The following PTPRE variants were observed in gnomAD, a reference collection of about 807,000 sequenced individuals.
PTPRE encodes the protein protein tyrosine phosphatase receptor type E, also known as receptor-type tyrosine-protein phosphatase epsilon.
A neutral mutation model predicts 102.0 loss-of-function variants in PTPRE; 51 were observed. That is an observed-to-expected ratio of 0.50 (90% CI 0.40 to 0.63). The LOEUF (loss-of-function observed/expected upper bound fraction) is 0.63. PTPRE is among the 30% of genes least tolerant of loss of function. The pLI is 0.00. For synonymous variants in PTPRE, 345 were observed against 348.2 expected, an observed-to-expected ratio of 0.99 and a Z score of 0.10; for missense variants, 752 against 915.1, an observed-to-expected ratio of 0.82 and a Z score of 2.30.
intron 1 of PTPRE, among the ~76,000 whole-genome samples, chr10:127,927,470 A>C (rs1314288318): frequency 6.6e-6 from 1 of 152,178 alleles, no homozygotes; most frequent in African/African-American, 2.4e-5. Context: ...ATGTGGGCCC[A>C]TATTATGGTT....
intron 1 of PTPRE, among the ~76,000 whole-genome samples, chr10:127,980,469 T>C (rs1270838152): frequency 6.6e-6 from 1 of 152,186 alleles, no homozygotes; most frequent in Non-Finnish European, 1.5e-5. Flanking sequence ...AAAGTTTTAT[T>C]TTTTTCTTTT....
intron 1 of PTPRE, among the ~76,000 whole-genome samples, chr10:127,926,708 A>G (rs956144371): frequency 2.6e-5 from 4 of 151,634 alleles, no homozygotes; most frequent in Non-Finnish European, 5.9e-5. Flanking sequence ...GCAGGGGAGG[A>G]ACTAGACAGG....
intron 1 of PTPRE, among the ~76,000 whole-genome samples, chr10:127,966,668 C>T (rs889913217): frequency 1.3e-5 from 2 of 152,168 alleles, no homozygotes; most frequent in Non-Finnish European, 2.9e-5. Flanking sequence ...TTAAGATGGA[C>T]TTACCTTCAT....
intron 1 of PTPRE, among the ~76,000 whole-genome samples, chr10:127,953,730 A>C (rs1183413998): frequency 6.6e-6 from 1 of 152,192 alleles, no homozygotes; most frequent in East Asian, 1.9e-4. Context: ...TCTGCATGAT[A>C]TGTAGGCACC....
intron 1 of PTPRE, among the ~76,000 whole-genome samples, chr10:127,959,468 GT>G (rs5788881): frequency 0.19 from 28,151 of 152,104 alleles, 3,149 homozygotes; most frequent in East Asian, 0.38. Flanking sequence ...TTTTGTGGTT[GT>G]TTTTAATGTG....
rs567596701 is a variant in PTPRE, at chr10:128,027,506, T to C, written c.-7-13369T>C. 2.8e-3 allele frequency among the ~76,000 whole-genome samples: 426 copies of C among 152,344 alleles called. 1 individual carries two copies. The highest frequency in any genetic ancestry group is 6.8e-3 in the Middle Eastern group (2 of 294). On this transcript the variant is annotated intron_variant, in intron 2 of 20. Coordinates refer to ENST00000254667, the MANE Select transcript of PTPRE (RefSeq NM_006504.6). ...ATTTCCCTGCTGTAATCGTCCTTGT[T>C]GAGGCTGTTCTGCTCTCGGGTTTAT...
At chr10:127,947,789 A>G (rs946665288) in intron 1 of PTPRE, among the ~76,000 whole-genome samples, 8 of 152,176 alleles carry the variant, frequency 5.3e-5, no homozygotes, top group African/African-American at 1.9e-4. Flanking sequence ...AATTCAGTCT[A>G]CAAGAGAAAC....
At chr10:127,993,225 G>A (rs1241421347) in intron 2 of PTPRE, among the ~76,000 whole-genome samples, 4 of 152,330 alleles carry the variant, frequency 2.6e-5, no homozygotes, top group Admixed American at 1.3e-4. Context: ...CTTCTAAGAC[G>A]TGGTTAGAAG....
intron 2 of PTPRE, among the ~76,000 whole-genome samples, chr10:128,022,263 C>G (rs766717057): frequency 6.6e-6 from 1 of 152,194 alleles, no homozygotes; most frequent in Non-Finnish European, 1.5e-5. Flanking sequence ...ACCCCGCTCC[C>G]TGAGAACCAC....
chr10:128,000,310 CA>C (rs1228754202), intron 2 of PTPRE, among the ~76,000 whole-genome samples: 2 of 152,258 alleles, frequency 1.3e-5, no homozygotes, highest in East Asian at 3.9e-4. Context: ...TTTAAGCAAA[CA>C]GAACACCCTT....
intron 1 of PTPRE, among the ~76,000 whole-genome samples, chr10:127,971,669 G>A (rs1283189962): frequency 6.6e-6 from 1 of 152,252 alleles, no homozygotes; most frequent in Non-Finnish European, 1.5e-5. Flanking sequence ...CCTGGGGAAA[G>A]CCTCCAGCGT....
intron 1 of PTPRE, among the ~76,000 whole-genome samples, chr10:127,921,710 T>C (rs1564798249): frequency 1.3e-5 from 2 of 152,194 alleles, no homozygotes; most frequent in Non-Finnish European, 2.9e-5. Flanking sequence ...CCTGCTCTCA[T>C]GATTGGCTCC....
chr10:127,990,318 A>G (rs61873721), intron 2 of PTPRE, among the ~76,000 whole-genome samples: 5,672 of 149,466 alleles, frequency 0.038, 126 homozygotes, highest in Middle Eastern at 0.066. Context: ...AGGCAGAGGC[A>G]GGAGAATCAC....
Position 128,068,271 on chromosome 10 carries a change from T to C in PTPRE, c.992T>C (p.Ile331Thr). Residue 331 changes from isoleucine to threonine, a missense_variant, in exon 12 of 21, where the codon ATC (isoleucine) becomes ACC (threonine). By Grantham distance (89) the Ile-to-Thr change is moderately conservative (BLOSUM62 -1). Transcript: ENST00000254667. Reference sequence around the variant, plus strand: ...CTCAACCCCGTGCACGCTGGGCCCATCGTGGTCCACTGTAGGTACGCTGTG... The same window carrying C: ...CTCAACCCCGTGCACGCTGGGCCCACCGTGGTCCACTGTAGGTACGCTGTG... ...KTLNPVHAGP[I>T]VVHCSAGVGR... 3.1e-6 allele frequency: 5 copies of C among 1,613,582 alleles called. No individual in the cohort carries two copies. The highest frequency in any genetic ancestry group is 4.2e-6 in the Non-Finnish European group (5 of 1,179,652).
At chr10:128,079,811 C>G (rs1851545940) in intron 20 of PTPRE, 116 bp downstream of exon 20, 1 of 1,348,254 alleles carries the variant, frequency 7.4e-7, no homozygotes, top group African/African-American at 1.5e-5. Context: ...GGTAAAATTC[C>G]CAAGGAAAAG....
chr10:127,995,734 G>T (rs547137036), intron 2 of PTPRE, among the ~76,000 whole-genome samples: 2 of 152,274 alleles, frequency 1.3e-5, no homozygotes, highest in South Asian at 2.1e-4. Context: ...AATTTGCTGA[G>T]TGTCAGAGGA....
chr10:127,976,650 A>T (rs559806370), intron 1 of PTPRE, among the ~76,000 whole-genome samples: 3 of 152,192 alleles, frequency 2.0e-5, no homozygotes, highest in South Asian at 2.1e-4. Context: ...TAAAGATTTC[A>T]TCTCCTTTTC....
chr10:127,972,866 C>T (rs1262808399), intron 1 of PTPRE, among the ~76,000 whole-genome samples: 1 of 152,236 alleles, frequency 6.6e-6, no homozygotes, highest in Non-Finnish European at 1.5e-5. Flanking sequence ...CCCCCTCTAC[C>T]ACCGGCCTTT....
rs898980996 is a variant in PTPRE at position 127,990,703 on chromosome 10, G to A, written c.-8+8407G>A. On this transcript the variant is annotated intron_variant, in intron 2 of 20. Coordinates refer to ENST00000254667, the MANE Select transcript of PTPRE (RefSeq NM_006504.6). ...AGGATGTGTCTGCATGTTTTGGGGT[G>A]AATGTTTTGTCATCTTCCTATGAGA... 6.6e-5 allele frequency among the ~76,000 whole-genome samples: 10 copies of A among 152,292 alleles called. No homozygotes were observed. In the South Asian group the frequency reaches 2.1e-3, roughly 32 times the overall value.
Sources: gnomAD v4.1 joint callset for allele counts (sites outside exome capture counted in the v4.1 genomes callset) on GRCh38, gnomAD v4.1.1 for gene constraint, MANE v1.5 for transcripts, NCBI Gene and HGNC (gene_info 2026-07-23, HGNC 2026-07-21) for gene names.